Variants in YIPF1 observed in about 807,000 individuals in gnomAD.
The protein encoded by YIPF1 is Yip1 domain family member 1.
In YIPF1, 22 loss-of-function variants were observed where a neutral mutation model predicts 37.0. The observed-to-expected ratio is 0.59, with a 90% CI of 0.42 to 0.85. YIPF1 has a LOEUF of 0.85. Among genes scored for constraint, YIPF1 ranks in the 40% least tolerant of loss-of-function variants. The pLI is 0.00. For missense variants in YIPF1, 355 were observed against 373.1 expected, an observed-to-expected ratio of 0.95 and a Z score of 0.40; for synonymous variants, 128 against 131.9, an observed-to-expected ratio of 0.97 and a Z score of 0.21.
chr1:53,874,489 G>A lies in YIPF1; in HGVS notation c.365-3001C>T, dbSNP rs375373620. Among the ~76,000 whole-genome samples, 22 of 152,164 alleles carry A rather than the reference G, an allele frequency of 1.4e-4. No homozygotes were observed. In the East Asian group the frequency reaches 3.7e-3, roughly 25 times the overall value. On this transcript the variant is annotated intron_variant, in intron 6 of 10. Transcript: ENST00000072644. Reference sequence around the variant, plus strand: ...CACTTTTAAAAAATATTTTTAGGCCGGGCATGGTGGTTCACACCTATAATC... The same window carrying A: ...CACTTTTAAAAAATATTTTTAGGCCAGGCATGGTGGTTCACACCTATAATC...
At position 53,882,874 on chromosome 1, in the gene YIPF1, G is replaced by A. The variant is rs147049728; in HGVS notation, c.195+239C>T. 1.2e-3 allele frequency: 450 copies of A among 363,398 alleles called. 3 individuals are homozygous for A. The highest frequency in any genetic ancestry group is 9.0e-3 in the African/African-American group (429 of 47,626). The allele number at this position is 363,398 out of a possible 1,614,324, so 22.5% of individuals were successfully genotyped here. ...TAATATTAGAAAATATTGAGCATGG[G>A]AGTCCCACATTCCATAAGCTAGGAT... is the stretch of plus-strand genomic sequence containing the variant. On this transcript the variant is annotated intron_variant, in intron 4 of 10. Coordinates refer to ENST00000072644, the MANE Select transcript of YIPF1 (RefSeq NM_018982.5).
At chr1:53,869,283 C>CTT (rs1182109737) in intron 7 of YIPF1, among the ~76,000 whole-genome samples, 4 of 151,838 alleles carry the variant, frequency 2.6e-5, no homozygotes, top group African/African-American at 4.8e-5. Context: ...AAACTCAAAC[C>CTT]AAGGTTACTG....
intron 6 of YIPF1, among the ~76,000 whole-genome samples, chr1:53,873,336 G>T (rs1435436424): frequency 1.3e-5 from 2 of 152,184 alleles, no homozygotes; most frequent in Non-Finnish European, 2.9e-5. Context: ...TTCACCAAGT[G>T]AGGACAGAAG....
chr1:53,853,143 T>C (rs190141756), intron 10 of YIPF1, among the ~76,000 whole-genome samples: 366 of 152,342 alleles, frequency 2.4e-3, no homozygotes, highest in African/African-American at 8.5e-3. Context: ...TGAGGACCCA[T>C]GTGCCAGGTA....
intron 10 of YIPF1, among the ~76,000 whole-genome samples, chr1:53,855,845 CTA>C (rs1426641315): frequency 6.6e-6 from 1 of 152,192 alleles, no homozygotes; most frequent in Admixed American, 6.5e-5. Flanking sequence ...GGAAGCTCCC[CTA>C]TGATCCTGAG....
chr1:53,879,784 G>A (rs911652680), intron 4 of YIPF1, among the ~76,000 whole-genome samples: 4 of 152,216 alleles, frequency 2.6e-5, no homozygotes, highest in Non-Finnish European at 5.9e-5. Context: ...CTCACAGAGA[G>A]GAGTGAAAGC....
At chr1:53,880,441 G>A (rs151293889) in intron 4 of YIPF1, among the ~76,000 whole-genome samples, 5,903 of 152,248 alleles carry the variant, frequency 0.039, 157 homozygotes, top group Non-Finnish European at 0.053. Context: ...AACATTCCAT[G>A]CTCATAGTTA....
chr1:53,887,034 T>C (rs986971680), intron 3 of YIPF1, among the ~76,000 whole-genome samples: 1 of 151,870 alleles, frequency 6.6e-6, no homozygotes, highest in African/African-American at 2.4e-5. Context: ...GGAGGCTGCA[T>C]CATATAGGGG....
chr1:53,887,939 G>A (rs1650698012), intron 3 of YIPF1, among the ~76,000 whole-genome samples: 1 of 152,198 alleles, frequency 6.6e-6, no homozygotes, highest in South Asian at 2.1e-4. Context: ...AATAAAACAA[G>A]TAAGTGGGCC....
At chr1:53,860,982 C>A (rs534264901) in intron 9 of YIPF1, among the ~76,000 whole-genome samples, 24 of 152,328 alleles carry the variant, frequency 1.6e-4, no homozygotes, top group Admixed American at 8.5e-4. Context: ...GTTCATGATA[C>A]CCCCTTGGGG....
intron 10 of YIPF1, among the ~76,000 whole-genome samples, chr1:53,855,451 T>C (rs945199488): frequency 2.0e-5 from 3 of 152,154 alleles, no homozygotes; most frequent in African/African-American, 7.2e-5. Context: ...CCAGATATTC[T>C]TTATATTATT....
intron 10 of YIPF1, among the ~76,000 whole-genome samples, chr1:53,852,648 C>T (rs531584168): frequency 1.3e-5 from 2 of 151,928 alleles, no homozygotes; most frequent in Non-Finnish European, 2.9e-5. Flanking sequence ...AGATCTGGGA[C>T]CTGGAAAACC....
At chr1:53,866,693 T>C in intron 8 of YIPF1, 65 bp downstream of exon 8, 1 of 1,517,034 alleles carries the variant, frequency 6.6e-7, no homozygotes, top group African/African-American at 1.4e-5. Context: ...GGTCAAATTC[T>C]TGGTTGAAGT....
At chr1:53,869,838 A>G (rs1203896966) in intron 7 of YIPF1, among the ~76,000 whole-genome samples, 1 of 150,518 alleles carries the variant, frequency 6.6e-6, no homozygotes, top group Non-Finnish European at 1.5e-5. Flanking sequence ...TTTCCCTTCC[A>G]GGCTTTGATC....
intron 10 of YIPF1, among the ~76,000 whole-genome samples, chr1:53,854,660 T>A (rs749149869): frequency 2.6e-5 from 4 of 152,174 alleles, no homozygotes; most frequent in Non-Finnish European, 4.4e-5. Context: ...GTGTGGCGTA[T>A]GAGATGTAAA....
chr1:53,872,309 T>C (rs992630613), intron 6 of YIPF1, among the ~76,000 whole-genome samples: 1 of 152,102 alleles, frequency 6.6e-6, no homozygotes, highest in Non-Finnish European at 1.5e-5. Context: ...CAAATGCATG[T>C]GTATATGTGC....
intron 4 of YIPF1, among the ~76,000 whole-genome samples, chr1:53,880,721 C>G (rs545346306): frequency 3.9e-5 from 6 of 152,212 alleles, no homozygotes; most frequent in African/African-American, 1.4e-4. Flanking sequence ...GACACATAGA[C>G]CAATGAAACA....
chr1:53,889,592 G>C (rs935122771), intron 1 of YIPF1, 121 bp downstream of exon 1: 1 of 152,448 alleles, frequency 6.6e-6, no homozygotes, highest in African/African-American at 2.4e-5. Flanking sequence ...CCTGCAGCCC[G>C]GGACACCGCG....
chr1:53,868,428 T>G (rs1234968991), intron 7 of YIPF1, among the ~76,000 whole-genome samples: 1 of 152,098 alleles, frequency 6.6e-6, no homozygotes, highest in East Asian at 1.9e-4. Flanking sequence ...GGAAGAAAAA[T>G]AATATACTAC....
Sources: allele counts gnomAD v4.1 joint callset (sites outside exome capture counted in the v4.1 genomes callset), GRCh38; gene constraint gnomAD v4.1.1; transcripts MANE v1.5; gene names NCBI Gene and HGNC (gene_info 2026-07-23, HGNC 2026-07-21).